The following MICAL2 variants were observed in gnomAD, a reference collection of about 807,000 sequenced individuals.
MICAL2 encodes microtubule associated monooxygenase, calponin and LIM domain containing 2, also known as [F-actin]-monooxygenase MICAL2.
A neutral mutation model predicts 127.3 loss-of-function variants in MICAL2; 77 were observed. The observed-to-expected ratio is 0.60, with a 90% confidence interval of 0.50 to 0.73. The LOEUF (loss-of-function observed/expected upper bound fraction) is 0.73, where lower values mean the gene tolerates loss of function less well. MICAL2 is among the 30% of genes least tolerant of loss of function. MICAL2 has a pLI of 0.00. For synonymous variants in MICAL2, 570 were observed against 551.1 expected (o/e 1.03, Z -0.48); for missense variants, 1,351 against 1,434.4 (o/e 0.94, Z 0.94).
chr11:12,267,840 G>A (rs1263777523), downstream of MICAL2, among the ~76,000 whole-genome samples: 10 of 152,204 alleles, frequency 6.6e-5, no homozygotes, highest in Admixed American at 1.3e-4. Flanking sequence ...TGATCCTCCC[G>A]CCTCAGCTTC....
intron 26 of MICAL2, chr11:12,262,100 G>A (rs745953678): frequency 8.2e-5 from 92 of 1,123,538 alleles, no homozygotes; most frequent in Non-Finnish European, 9.2e-5. Context: ...ATGTTTGTAC[G>A]CTCTGAGATG....
chr11:12,349,787 A>C, intron 32 of MICAL2: 1 of 1,573,092 alleles, frequency 6.4e-7, no homozygotes. Flanking sequence ...CAGTTTGATC[A>C]TGGGGAGAGA....
chr11:12,233,348 C>A (rs1265386996), intron 15 of MICAL2, among the ~76,000 whole-genome samples: 4 of 152,232 alleles, frequency 2.6e-5, no homozygotes, highest in Middle Eastern at 3.2e-3. Context: ...AAAGAGCTCT[C>A]TTGCTATCAC....
At chr11:12,276,421 T>C (rs2896607) in intron 1 of MICAL2, 137,335 of 319,700 alleles carry the variant, frequency 0.43, 33,339 homozygotes, top group East Asian at 0.77. Context: ...GTTATTTTCT[T>C]GGGAAGAGAA....
At chr11:12,141,337 T>A (rs991260801) in intron 2 of MICAL2, among the ~76,000 whole-genome samples, 1 of 152,168 alleles carries the variant, frequency 6.6e-6, no homozygotes, top group Admixed American at 6.5e-5. Context: ...GGTTTGGTGG[T>A]ATCTTAAAGA....
intron 1 of MICAL2, among the ~76,000 whole-genome samples, chr11:12,278,593 A>G (rs1054904557): frequency 6.6e-6 from 1 of 152,286 alleles, no homozygotes; most frequent in African/African-American, 2.4e-5. Flanking sequence ...TCTCATTTAC[A>G]GTTTTCACAG....
chr11:12,133,911 A>G (rs968640121), intron 1 of MICAL2, among the ~76,000 whole-genome samples: 13 of 152,228 alleles, frequency 8.5e-5, no homozygotes, highest in African/African-American at 3.1e-4. Context: ...GGACATTGCC[A>G]TCACCTCTGA....
intron 32 of MICAL2, among the ~76,000 whole-genome samples, chr11:12,341,035 C>A (rs1938856038): frequency 6.6e-6 from 1 of 152,074 alleles, no homozygotes; most frequent in Non-Finnish European, 1.5e-5. Flanking sequence ...GTGTAAGGAG[C>A]CTGTGGGAGG....
intron 3 of MICAL2, among the ~76,000 whole-genome samples, chr11:12,187,750 G>A (rs539155296): frequency 3.9e-5 from 6 of 152,238 alleles, no homozygotes; most frequent in African/African-American, 1.4e-4. Context: ...GCTGGTGGCT[G>A]GCAGCTGCCT....
intron 2 of MICAL2, among the ~76,000 whole-genome samples, chr11:12,146,046 C>T (rs571076033): frequency 8.0e-4 from 122 of 152,262 alleles, no homozygotes; most frequent in African/African-American, 2.7e-3. Flanking sequence ...CTTCCTTACA[C>T]CTTATACAAA....
intron 33 of MICAL2, among the ~76,000 whole-genome samples, chr11:12,353,405 TA>T (rs1282294962): frequency 6.6e-6 from 1 of 152,246 alleles, no homozygotes; most frequent in African/African-American, 2.4e-5. Context: ...CTTCCCTGGC[TA>T]CCTTTTTTGT....
intron 21 of MICAL2, 84 bp downstream of exon 21, chr11:12,244,196 T>C: frequency 6.5e-7 from 1 of 1,549,536 alleles, no homozygotes; most frequent in Non-Finnish European, 8.9e-7. Context: ...CACAAACATC[T>C]TGAGCCTGGC....
chr11:12,183,840 G>A (rs771138136), intron 3 of MICAL2, among the ~76,000 whole-genome samples: 1 of 152,018 alleles, frequency 6.6e-6, no homozygotes, highest in Non-Finnish European at 1.5e-5. Flanking sequence ...TTGTGCAGTG[G>A]CACAAATCAG....
At chr11:12,155,994 GC>G (rs926053628) in intron 2 of MICAL2, among the ~76,000 whole-genome samples, 61 of 152,358 alleles carry the variant, frequency 4.0e-4, no homozygotes, top group African/African-American at 1.2e-3. Context: ...GCGCCTTCAA[GC>G]TAGACCAGTG....
intron 17 of MICAL2, among the ~76,000 whole-genome samples, chr11:12,240,839 C>A (rs1183558364): frequency 6.6e-6 from 1 of 152,250 alleles, no homozygotes; most frequent in Admixed American, 6.5e-5. Flanking sequence ...CCAGGACTTG[C>A]TGTTCACATG....
chr11:12,226,769 C>T (rs1857527533), intron 14 of MICAL2, among the ~76,000 whole-genome samples: 1 of 151,288 alleles, frequency 6.6e-6, no homozygotes, highest in Non-Finnish European at 1.5e-5. Flanking sequence ...TCTCCTGCCT[C>T]AGCCTCCCGA....
At position 12,209,689 on chromosome 11, in the gene MICAL2, G is replaced by C. The variant is rs183511181; in HGVS notation, c.691+91G>C. The stretch of plus-strand genomic sequence containing the variant: ...AGTTGGAGAAAGTGGGCAAGATGCA[G>C]ATGCCAGAGCTGGATGGAGGTTTTG... On this transcript the variant is annotated intron_variant, in intron 6 of 27. Coordinates refer to ENST00000683283, the MANE Select transcript of MICAL2 (RefSeq NM_001282663.2). 3 of 1,158,412 alleles carry C rather than the reference G, an allele frequency of 2.6e-6. No homozygotes were observed. The African/African-American group carries it at 4.5e-5, about 18-fold the overall frequency. 71.8% of individuals were successfully genotyped at this position (1,158,412 alleles called of 1,614,324 possible).
chr11:12,171,870 A>C (rs1856299128), intron 3 of MICAL2, among the ~76,000 whole-genome samples: 1 of 152,246 alleles, frequency 6.6e-6, no homozygotes, highest in Non-Finnish European at 1.5e-5. Context: ...TGAAATTGTA[A>C]TAATATATTT....
intron 29 of MICAL2, among the ~76,000 whole-genome samples, chr11:12,319,239 A>T (rs1400147777): frequency 6.6e-6 from 1 of 152,164 alleles, no homozygotes; most frequent in Admixed American, 6.5e-5. Context: ...TGTGAGCCGC[A>T]GAAGGGCGAT....
Sources: gnomAD v4.1 joint callset for allele counts (sites outside exome capture counted in the v4.1 genomes callset) on GRCh38, gnomAD v4.1.1 for gene constraint, MANE v1.5 for transcripts, NCBI Gene and HGNC (gene_info 2026-07-23, HGNC 2026-07-21) for gene names.